Variants in STPG2 observed in about 807,000 individuals in gnomAD.
STPG2 encodes the protein sperm tail PG-rich repeat containing 2, also known as sperm-tail PG-rich repeat-containing protein 2.
In STPG2, 56 loss-of-function variants were observed where a neutral mutation model predicts 54.2. The ratio of observed to expected loss-of-function variants is 1.03; its 90% confidence interval spans 0.83 to 1.29. The LOEUF is 1.29. Among genes scored for constraint, STPG2 ranks in the 50% most tolerant of loss-of-function variants. The pLI is 0.00. For missense variants in STPG2, 596 were observed against 544.9 expected, an observed-to-expected ratio of 1.09 and a Z score of -0.93; for synonymous variants, 200 against 181.8, an observed-to-expected ratio of 1.10 and a Z score of -0.81.
Position 97,968,044 on chromosome 4 carries a change from A to C in STPG2, c.933+4236T>G, listed in dbSNP as rs556668240. On this transcript the variant is annotated intron_variant, in intron 7 of 10. Transcript: ENST00000295268. ...CTGAAGGAGAGAGAGAAACAAAAAA[A>C]CCTTCAAAAAATCAATGAATCCAGG... 7.9e-5 allele frequency among the ~76,000 whole-genome samples: 12 copies of C among 152,200 alleles called. 1 individual carries two copies. In the South Asian group the frequency reaches 1.9e-3, roughly 24 times the overall value.
intron 10 of STPG2, among the ~76,000 whole-genome samples, chr4:97,699,796 C>T (rs1009453029): frequency 2.0e-5 from 3 of 152,154 alleles, no homozygotes; most frequent in African/African-American, 7.2e-5. Flanking sequence ...CCCCATGAGG[C>T]CATCAGTGCA....
rs185316655 is a variant in STPG2, at chr4:98,070,046, T to C, written c.612+35907A>G. Among the ~76,000 whole-genome samples, 36 of 152,056 alleles carry C rather than the reference T, an allele frequency of 2.4e-4. No individual in the cohort carries two copies. The East Asian group carries it at 3.7e-3, about 16-fold the overall frequency. On this transcript the variant is annotated intron_variant, in intron 5 of 10. Coordinates refer to ENST00000295268, the MANE Select transcript of STPG2 (RefSeq NM_174952.3). ...CCTGACTCATTTTATGAGGCTACCA[T>C]CATCCTGACACGAAAACCTGGCAGA...
At chr4:97,957,234 ACAAT>A (rs1194897247) in intron 7 of STPG2, among the ~76,000 whole-genome samples, 1 of 141,766 alleles carries the variant, frequency 7.1e-6, no homozygotes, top group Non-Finnish European at 1.6e-5. Flanking sequence ...TAAATAAAAA[ACAAT>A]CAAAACTTCA....
chr4:97,857,520 TTGTG>T (rs1349211057), intron 8 of STPG2, among the ~76,000 whole-genome samples: 7 of 152,158 alleles, frequency 4.6e-5, no homozygotes, highest in African/African-American at 7.2e-5. Flanking sequence ...TTATTTCCGA[TTGTG>T]TGTATTTGAT....
At chr4:97,943,184 G>T (rs569486036) in intron 8 of STPG2, among the ~76,000 whole-genome samples, 1 of 152,136 alleles carries the variant, frequency 6.6e-6, no homozygotes, top group African/African-American at 2.4e-5. Context: ...TATTTATGAG[G>T]TCTCCACCCT....
At chr4:97,629,836 A>G (rs2148931593) in intron 10 of STPG2, among the ~76,000 whole-genome samples, 1 of 152,112 alleles carries the variant, frequency 6.6e-6, no homozygotes, top group South Asian at 2.1e-4. Flanking sequence ...GGGAATAATC[A>G]CTAACATGGC....
chr4:97,634,414 A>T (rs933262120), intron 10 of STPG2, among the ~76,000 whole-genome samples: 1 of 152,334 alleles, frequency 6.6e-6, no homozygotes, highest in African/African-American at 2.4e-5. Flanking sequence ...GAAAAACTGG[A>T]AACTAAAAAT....
chr4:97,602,846 T>C (rs897751688), intron 10 of STPG2, among the ~76,000 whole-genome samples: 1 of 151,804 alleles, frequency 6.6e-6, no homozygotes, highest in Non-Finnish European at 1.5e-5. Context: ...CATAATCAAT[T>C]GGCCATTTTT....
intron 9 of STPG2, among the ~76,000 whole-genome samples, chr4:97,798,278 G>T (rs1312105486): frequency 1.3e-5 from 2 of 152,068 alleles, no homozygotes; most frequent in Non-Finnish European, 2.9e-5. Context: ...TGATGTTAGG[G>T]TGTCAATTTT....
At chr4:98,069,233 T>C (rs887572084) in intron 5 of STPG2, among the ~76,000 whole-genome samples, 1 of 151,876 alleles carries the variant, frequency 6.6e-6, no homozygotes, top group African/African-American at 2.4e-5. Flanking sequence ...GTGTTCCACA[T>C]ACATATATTC....
chr4:97,688,915 A>T (rs1723282014), intron 10 of STPG2, among the ~76,000 whole-genome samples: 1 of 152,244 alleles, frequency 6.6e-6, no homozygotes, highest in African/African-American at 2.4e-5. Context: ...AGAAAGATAT[A>T]TACATAGCAT....
intron 4 of STPG2, among the ~76,000 whole-genome samples, chr4:97,502,207 A>G (rs1730741090): frequency 6.6e-6 from 1 of 152,032 alleles, no homozygotes; most frequent in Admixed American, 6.6e-5. Flanking sequence ...AAGAGGTTAT[A>G]TTATATATCA....
intron 9 of STPG2, among the ~76,000 whole-genome samples, chr4:97,802,064 A>G (rs1232730627): frequency 6.6e-6 from 1 of 152,146 alleles, no homozygotes; most frequent in African/African-American, 2.4e-5. Context: ...AGCGTCTAAG[A>G]ATTTGAATCT....
rs1385428964 is a variant in STPG2 at position 97,584,464 on chromosome 4, C to T, written c.1321-25347G>A. Among the ~76,000 whole-genome samples the T allele has an allele frequency of 3.3e-5, 5 of 151,888 alleles. No individual in the cohort carries two copies. In the South Asian group the frequency reaches 6.2e-4, roughly 19 times the overall value. On this transcript the variant is annotated intron_variant, in intron 10 of 10. Coordinates refer to ENST00000295268, the MANE Select transcript of STPG2 (RefSeq NM_174952.3). ...AGAAACAGACAATCTAAGGTCACAC[C>T]TCAAGGAAACAGAGAAACAAGAACA...
At chr4:97,760,250 G>C (rs1405049784) in intron 9 of STPG2, among the ~76,000 whole-genome samples, 5 of 152,136 alleles carry the variant, frequency 3.3e-5, no homozygotes, top group Non-Finnish European at 7.4e-5. Context: ...TCAAGGACAA[G>C]AACTGTGGTT....
At chr4:97,480,667 T>G (rs1730197639) in intron 4 of STPG2, among the ~76,000 whole-genome samples, 1 of 151,674 alleles carries the variant, frequency 6.6e-6, no homozygotes, top group African/African-American at 2.4e-5. Context: ...ATTTTGCATT[T>G]CCCTGTGACT....
At chr4:97,639,352 G>T (rs1429048136) in intron 10 of STPG2, among the ~76,000 whole-genome samples, 1 of 151,512 alleles carries the variant, frequency 6.6e-6, no homozygotes, top group African/African-American at 2.4e-5. Context: ...TGTGGGGTGG[G>T]TGGAGGGGGG....
chr4:97,840,694 T>G (rs1365029678), intron 9 of STPG2, 79 bp downstream of exon 9: 1 of 1,478,554 alleles, frequency 6.8e-7, no homozygotes, highest in African/African-American at 1.4e-5. Context: ...TCCAAGAACC[T>G]ATCAATGATT....
intron 5 of STPG2, among the ~76,000 whole-genome samples, chr4:98,073,457 G>A (rs557721827): frequency 4.6e-5 from 7 of 152,228 alleles, no homozygotes; most frequent in South Asian, 2.1e-4. Context: ...CAGGTGTGGC[G>A]GCTCATGCCT....
Sources: gnomAD v4.1 joint callset for allele counts (sites outside exome capture counted in the v4.1 genomes callset) on GRCh38, gnomAD v4.1.1 for gene constraint, MANE v1.5 for transcripts, NCBI Gene and HGNC (gene_info 2026-07-23, HGNC 2026-07-21) for gene names.